Variants in PPP6R3 observed in about 807,000 individuals in gnomAD.
The protein encoded by PPP6R3 is protein phosphatase 6 regulatory subunit 3, also known as serine/threonine-protein phosphatase 6 regulatory subunit 3.
PPP6R3 carries 38 observed loss-of-function variants against 110.7 expected under a neutral mutation model. That is an observed-to-expected ratio of 0.34 (90% confidence interval 0.26 to 0.45). The LOEUF is 0.45. Among genes scored for constraint, PPP6R3 ranks in the 20% least tolerant of loss-of-function variants. The pLI is 1.00. For missense variants in PPP6R3, 870 were observed against 1,062.4 expected (o/e 0.82, Z 2.52); for synonymous variants, 369 against 373.5 (o/e 0.99, Z 0.14).
At chr11:68,463,131 T>C (rs1296640990) in intron 1 of PPP6R3, among the ~76,000 whole-genome samples, 1 of 152,090 alleles carries the variant, frequency 6.6e-6, no homozygotes, top group Non-Finnish European at 1.5e-5. Context: ...CCCAGCACTT[T>C]GGGAGGCCGA....
Position 68,614,766 on chromosome 11 carries a change from G to A in PPP6R3, c.*1649G>A, listed in dbSNP as rs1458223961. 2 of 1,541,576 alleles carry A rather than the reference G, an allele frequency of 1.3e-6. No individual in the cohort carries two copies. The highest frequency in any genetic ancestry group is 2.7e-5 in the African/African-American group (2 of 72,818). On this transcript the variant is annotated 3_prime_UTR_variant, in exon 24 of 24. Transcript: ENST00000393800. Reference sequence around the variant, plus strand: ...TCCCGGGTGAGCCCCTCTCTGAAGAGACTGTCCTTGGGCCTCCTCTGGAAG... The same window carrying A: ...TCCCGGGTGAGCCCCTCTCTGAAGAAACTGTCCTTGGGCCTCCTCTGGAAG...
chr11:68,495,070 A>T (rs1409276126), intron 1 of PPP6R3, among the ~76,000 whole-genome samples: 1 of 152,188 alleles, frequency 6.6e-6, no homozygotes, highest in Non-Finnish European at 1.5e-5. Flanking sequence ...TTTACTTTTC[A>T]TAATTTGGGA....
rs1944788734 is a variant in PPP6R3 at position 68,614,369 on chromosome 11, G to A, written c.*1252G>A. On this transcript the variant is annotated 3_prime_UTR_variant, in exon 24 of 24. Coordinates refer to ENST00000393800, the MANE Select transcript of PPP6R3 (RefSeq NM_001164161.2). ...ATTGTATATTGCCATATCGTCTGGT[G>A]AAAGGGTTAAATTACTTCACCTCTT... 8.2e-7 allele frequency: 1 copy of A among 1,223,028 alleles called. No individual in the cohort carries two copies. The highest frequency in any genetic ancestry group is 1.6e-5 in the African/African-American group (1 of 62,320). 75.8% of individuals were successfully genotyped at this position (1,223,028 alleles called of 1,614,324 possible). A position where few individuals can be genotyped will look rare whatever the true frequency, so the allele number is the denominator to read the frequency against.
intron 14 of PPP6R3, among the ~76,000 whole-genome samples, chr11:68,582,077 C>A (rs575276893): frequency 6.6e-6 from 1 of 152,296 alleles, no homozygotes; most frequent in Admixed American, 6.5e-5. Context: ...GCAAAACAGA[C>A]CAGGCCAGTT....
intron 1 of PPP6R3, among the ~76,000 whole-genome samples, chr11:68,482,329 G>A (rs1336119253): frequency 1.3e-5 from 2 of 150,568 alleles, no homozygotes; most frequent in South Asian, 2.1e-4. Context: ...CAGGAAAACC[G>A]CTTGAACCCG....
intron 22 of PPP6R3, 145 bp downstream of exon 22, chr11:68,603,637 A>G (rs1036291567): frequency 6.6e-5 from 68 of 1,025,290 alleles, no homozygotes; most frequent in Non-Finnish European, 8.9e-5. Context: ...CATTAAACAC[A>G]ATAAATCTTA....
chr11:68,516,304 C>G (rs1045774013), intron 1 of PPP6R3, among the ~76,000 whole-genome samples: 1 of 152,152 alleles, frequency 6.6e-6, no homozygotes, highest in Non-Finnish European at 1.5e-5. Context: ...CACACCTGAC[C>G]TCATACAACA....
At chr11:68,608,547 G>A (rs1426414792) in intron 22 of PPP6R3, among the ~76,000 whole-genome samples, 2 of 152,200 alleles carry the variant, frequency 1.3e-5, no homozygotes, top group Non-Finnish European at 2.9e-5. Context: ...ACTCCTGGGT[G>A]TCAAGTACTG....
At chr11:68,480,049 TA>T (rs531256425) in intron 1 of PPP6R3, among the ~76,000 whole-genome samples, 53 of 148,838 alleles carry the variant, frequency 3.6e-4, no homozygotes, top group Non-Finnish European at 4.3e-4. Flanking sequence ...TTTCTTCAAT[TA>T]AAAAAAAAAA....
At chr11:68,560,779 TCCCATG>T (rs2153731352) in intron 8 of PPP6R3, among the ~76,000 whole-genome samples, 1 of 152,188 alleles carries the variant, frequency 6.6e-6, no homozygotes, top group Non-Finnish European at 1.5e-5. Flanking sequence ...GTTCTAGGAC[TCCCATG>T]CATACCAAAA....
At chr11:68,555,228 C>T (rs2099394751) in intron 7 of PPP6R3, among the ~76,000 whole-genome samples, 1 of 152,102 alleles carries the variant, frequency 6.6e-6, no homozygotes, top group Admixed American at 6.5e-5. Flanking sequence ...TTTAGTAATT[C>T]TTGCACTATG....
chr11:68,545,166 T>A (rs2099344631), intron 4 of PPP6R3, 142 bp downstream of exon 4: 1 of 537,060 alleles, frequency 1.9e-6, no homozygotes, highest in Non-Finnish European at 3.2e-6. Context: ...TTAAACATTC[T>A]AAGCACTCAC....
intron 22 of PPP6R3, among the ~76,000 whole-genome samples, chr11:68,608,267 A>G (rs1284159105): frequency 6.6e-6 from 1 of 152,248 alleles, no homozygotes; most frequent in African/African-American, 2.4e-5. Flanking sequence ...GAAAATTGGC[A>G]AAAGATAAGT....
At chr11:68,564,808 A>G (rs1042534540) in intron 9 of PPP6R3, among the ~76,000 whole-genome samples, 6 of 152,224 alleles carry the variant, frequency 3.9e-5, no homozygotes, top group Admixed American at 3.9e-4. Context: ...TGTCTGATGT[A>G]TAGTCGACCT....
chr11:68,573,604 A>T (rs1478843721), intron 12 of PPP6R3, among the ~76,000 whole-genome samples: 1 of 152,174 alleles, frequency 6.6e-6, no homozygotes, highest in Non-Finnish European at 1.5e-5. Flanking sequence ...CACATCAGCT[A>T]ATATCTTAAC....
chr11:68,464,141 T>C (rs200395392), intron 1 of PPP6R3, among the ~76,000 whole-genome samples: 6 of 152,194 alleles, frequency 3.9e-5, no homozygotes, highest in Non-Finnish European at 7.3e-5. Context: ...AGAATCTTAT[T>C]AATTTTTTTT....
At chr11:68,588,237 G>C (rs2099584770) in intron 16 of PPP6R3, among the ~76,000 whole-genome samples, 1 of 152,120 alleles carries the variant, frequency 6.6e-6, no homozygotes, top group South Asian at 2.1e-4. Flanking sequence ...GGTGGCTCAT[G>C]CCTGTAATCC....
intron 14 of PPP6R3, among the ~76,000 whole-genome samples, chr11:68,579,891 A>T (rs1038355950): frequency 6.6e-6 from 1 of 152,254 alleles, no homozygotes; most frequent in Non-Finnish European, 1.5e-5. Flanking sequence ...CCAGGTCTGC[A>T]GTAGGCTCTA....
At chr11:68,474,531 T>G (rs2098814735) in intron 1 of PPP6R3, among the ~76,000 whole-genome samples, 1 of 152,202 alleles carries the variant, frequency 6.6e-6, no homozygotes, top group Non-Finnish European at 1.5e-5. Flanking sequence ...ATTTTCCTTT[T>G]TTTATATCAA....
Sources: allele counts gnomAD v4.1 joint callset (sites outside exome capture counted in the v4.1 genomes callset), GRCh38; gene constraint gnomAD v4.1.1; transcripts MANE v1.5; gene names NCBI Gene and HGNC (gene_info 2026-07-23, HGNC 2026-07-21).